GALNT12: variants seen among roughly 807,000 people sequenced by gnomAD.
GALNT12 encodes polypeptide N-acetylgalactosaminyltransferase 12.
GALNT12 carries 45 observed loss-of-function variants against 55.5 expected under a neutral mutation model. The ratio of observed to expected loss-of-function variants is 0.81; its 90% CI spans 0.64 to 1.04. The LOEUF is 1.04. GALNT12 is among the 50% of genes least tolerant of loss of function. The pLI, the probability that GALNT12 is intolerant of heterozygous loss-of-function variation, is 0.00. For synonymous variants in GALNT12, 304 were observed against 312.2 expected (o/e 0.97, Z 0.28); for missense variants, 709 against 754.8 (o/e 0.94, Z 0.71).
intron 3 of GALNT12, among the ~76,000 whole-genome samples, chr9:98,831,106 C>T (rs575504960): frequency 2.0e-5 from 3 of 152,326 alleles, no homozygotes; most frequent in Admixed American, 2.0e-4. Flanking sequence ...TTGAAGCCAA[C>T]ACACAGGCTG....
intron 1 of GALNT12, among the ~76,000 whole-genome samples, chr9:98,815,541 A>T (rs1835592237): frequency 6.6e-6 from 1 of 152,234 alleles, no homozygotes; most frequent in Non-Finnish European, 1.5e-5. Context: ...CCTTTAGGAG[A>T]TGTTTTCAAA....
intron 2 of GALNT12, among the ~76,000 whole-genome samples, chr9:98,825,326 C>A (rs1835833519): frequency 6.6e-6 from 1 of 152,216 alleles, no homozygotes; most frequent in Non-Finnish European, 1.5e-5. Context: ...TCAGTTCTCT[C>A]ATAAAAATGT....
In GALNT12 at chr9:98,837,123, AC is replaced by A; in HGVS notation, c.1189del (p.His397IlefsTer14). ...ATGGATGAATTTAAAGAGCTCTACTACCATCGCAACCCCCGTGCCCGCTTGG... is the reference window on the plus strand; with the variant it reads ...ATGGATGAATTTAAAGAGCTCTACTACATCGCAACCCCCGTGCCCGCTTGG... Reference protein sequence around the residue: ...VWMDEFKELYYHRNPRARLEP... With the variant: ...VWMDEFKELYXHRNPRARLEP... On this transcript the variant is annotated frameshift_variant, in exon 6 of 10. Coordinates refer to ENST00000375011, the MANE Select transcript of GALNT12 (RefSeq NM_024642.5). LOFTEE classifies it high-confidence loss of function. 1.9e-6 allele frequency: 3 copies of A among 1,614,108 alleles called. No homozygotes were observed. Among genetic ancestry groups the A allele is most frequent in the Non-Finnish European group, 2.5e-6 (3 of 1,180,024 alleles).
chr9:98,835,394 A>G, intron 5 of GALNT12, 28 bp downstream of exon 5: 1 of 1,359,780 alleles, frequency 7.4e-7, no homozygotes, highest in Middle Eastern at 1.8e-4. Context: ...CTCTTTGGAC[A>G]TGTTCTTAAC....
At chr9:98,831,573 C>T (rs1011546611) in intron 3 of GALNT12, among the ~76,000 whole-genome samples, 199 bp from the exon 4 acceptor site, 7 of 152,138 alleles carry the variant, frequency 4.6e-5, no homozygotes, top group Admixed American at 6.5e-5. Flanking sequence ...CCCTCCGTGG[C>T]CCCCAGATCT....
At chr9:98,821,460 A>C (rs1281333350) in intron 1 of GALNT12, among the ~76,000 whole-genome samples, 2 of 151,880 alleles carry the variant, frequency 1.3e-5, no homozygotes, top group East Asian at 3.9e-4. Context: ...TCTCTACTAA[A>C]AATACAAAAA....
intron 9 of GALNT12, 174 bp from the exon 10 acceptor site, chr9:98,848,778 G>A: frequency 1.3e-6 from 1 of 741,764 alleles, no homozygotes; most frequent in East Asian, 2.7e-5. Context: ...GCCTGTACAA[G>A]CCTGGTGCTG....
intron 7 of GALNT12, among the ~76,000 whole-genome samples, chr9:98,843,363 T>A (rs1229895248): frequency 6.6e-6 from 1 of 152,240 alleles, no homozygotes; most frequent in African/African-American, 2.4e-5. Context: ...AGGTGGTATT[T>A]TCAAACATAC....
intron 1 of GALNT12, among the ~76,000 whole-genome samples, chr9:98,819,359 C>G (rs1339228885): frequency 6.6e-6 from 1 of 152,204 alleles, no homozygotes; most frequent in Non-Finnish European, 1.5e-5. Flanking sequence ...CCTATGGTGT[C>G]TGGGGATTCG....
chr9:98,832,117 C>T (rs1022125763), intron 4 of GALNT12, among the ~76,000 whole-genome samples, 160 bp downstream of exon 4: 3 of 152,144 alleles, frequency 2.0e-5, no homozygotes, highest in Non-Finnish European at 2.9e-5. Context: ...TTTTATTAAA[C>T]GTGTCTGCTA....
rs553081269 is a variant in GALNT12 at position 98,831,640 on chromosome 9, A to G, written c.732-132A>G. ...CACGGCTGCAGACACCTGGAATAAG[A>G]GAAGCAGGTCTTTCTCAGATGTTCC... On this transcript the variant is annotated intron_variant, in intron 3 of 9. Transcript: ENST00000375011. 6.7e-6 allele frequency: 7 copies of G among 1,048,704 alleles called. No homozygotes were observed. The South Asian group carries it at 9.6e-5, about 14-fold the overall frequency. 65.0% of individuals were successfully genotyped at this position (1,048,704 alleles called of 1,614,324 possible). A position where few individuals can be genotyped will look rare whatever the true frequency, so the allele number is the denominator to read the frequency against.
chr9:98,848,137 A>G (rs1836463298), intron 9 of GALNT12, among the ~76,000 whole-genome samples: 1 of 152,124 alleles, frequency 6.6e-6, no homozygotes. Context: ...ATGTAGGCCT[A>G]AAAACCTCTG....
chr9:98,816,998 G>T (rs547950546), intron 1 of GALNT12, among the ~76,000 whole-genome samples: 4 of 151,936 alleles, frequency 2.6e-5, no homozygotes, highest in African/African-American at 9.7e-5. Context: ...CTAATTTTTT[G>T]TATTTTTTTA....
chr9:98,820,358 G>C lies in GALNT12; in HGVS notation c.372-2898G>C, dbSNP rs1038938804. On this transcript the variant is annotated intron_variant, in intron 1 of 9. Coordinates refer to ENST00000375011, the MANE Select transcript of GALNT12 (RefSeq NM_024642.5). ...GAGAACATGTGGTATTTGGTTTTCT[G>C]TTCCTGCATTAGTTTGCTGAGGATG... 2.8e-4 allele frequency among the ~76,000 whole-genome samples: 42 copies of C among 152,278 alleles called. 1 individual carries two copies. Among genetic ancestry groups the C allele is most frequent in the Admixed American group, 2.0e-3 (30 of 15,282 alleles).
chr9:98,829,696 C>T (rs1457766777), intron 3 of GALNT12, among the ~76,000 whole-genome samples: 1 of 152,112 alleles, frequency 6.6e-6, no homozygotes, highest in Non-Finnish European at 1.5e-5. Context: ...AGTTTTAGCT[C>T]CCACAAATAA....
At chr9:98,809,397 G>A (rs1370433090) in intron 1 of GALNT12, among the ~76,000 whole-genome samples, 6 of 152,170 alleles carry the variant, frequency 3.9e-5, no homozygotes, top group Non-Finnish European at 8.8e-5. Context: ...TCGAAACCCC[G>A]AGGGTGCCCG....
chr9:98,842,001 T>C (rs1306274372), intron 7 of GALNT12, among the ~76,000 whole-genome samples: 1 of 152,056 alleles, frequency 6.6e-6, no homozygotes, highest in East Asian at 1.9e-4. Context: ...TTCTTAAGTC[T>C]TTTCTTTATT....
chr9:98,809,586 T>C (rs568139154), intron 1 of GALNT12, among the ~76,000 whole-genome samples: 39 of 152,248 alleles, frequency 2.6e-4, no homozygotes, highest in African/African-American at 6.3e-4. Flanking sequence ...TAAAAGTGAG[T>C]CTCCATGCAT....
At chr9:98,826,309 T>C (rs970897336) in intron 2 of GALNT12, among the ~76,000 whole-genome samples, 3 of 152,240 alleles carry the variant, frequency 2.0e-5, no homozygotes, top group Admixed American at 6.5e-5. Flanking sequence ...TTACTACTAC[T>C]GAAACTGTAA....
Sources: allele counts gnomAD v4.1 joint callset (sites outside exome capture counted in the v4.1 genomes callset), GRCh38; gene constraint gnomAD v4.1.1; transcripts MANE v1.5; gene names NCBI Gene and HGNC (gene_info 2026-07-23, HGNC 2026-07-21).